The following LPP variants were observed in gnomAD, a reference collection of about 807,000 sequenced individuals.
LPP encodes LIM domain containing preferred translocation partner in lipoma, also known as lipoma-preferred partner.
LPP carries 38 observed loss-of-function variants against 60.4 expected under a neutral mutation model. That is an observed-to-expected ratio of 0.63 (90% CI 0.49 to 0.83). LPP has a LOEUF of 0.83. LPP is among the 40% of genes least tolerant of loss of function. The pLI, the probability that LPP is intolerant of heterozygous loss-of-function variation, is 0.00. For missense variants in LPP, 902 were observed against 783.6 expected (o/e 1.15, Z -1.80); for synonymous variants, 328 against 290.8 (o/e 1.13, Z -1.30).
At chr3:188,377,778 C>T (rs531841905) in intron 3 of LPP, among the ~76,000 whole-genome samples, 27 of 152,256 alleles carry the variant, frequency 1.8e-4, no homozygotes, top group South Asian at 1.2e-3. Flanking sequence ...GGAGGAGTGG[C>T]GCTCTGATTT....
intron 3 of LPP, among the ~76,000 whole-genome samples, chr3:188,374,775 G>A (rs1172566401): frequency 6.6e-6 from 1 of 152,122 alleles, no homozygotes; most frequent in Non-Finnish European, 1.5e-5. Context: ...GGGCATCCCT[G>A]TCTTGTGCCC....
chr3:188,161,971 T>C (rs1718427002), intron 1 of LPP, among the ~76,000 whole-genome samples: 1 of 152,212 alleles, frequency 6.6e-6, no homozygotes, highest in African/African-American at 2.4e-5. Flanking sequence ...TTCCTTGCTT[T>C]TGACAGCTCC....
chr3:188,592,223 C>A (rs1183623050), intron 6 of LPP, among the ~76,000 whole-genome samples: 3 of 152,032 alleles, frequency 2.0e-5, no homozygotes, highest in Non-Finnish European at 2.9e-5. Flanking sequence ...ACACTATAAA[C>A]AACATTTTTG....
intron 6 of LPP, among the ~76,000 whole-genome samples, chr3:188,546,429 A>C (rs969000610): frequency 1.3e-5 from 2 of 152,112 alleles, no homozygotes; most frequent in Non-Finnish European, 2.9e-5. Context: ...CAGGAGTATC[A>C]TTACCTTTGA....
At chr3:188,200,132 AT>A (rs796074045) in intron 1 of LPP, among the ~76,000 whole-genome samples, 6 of 150,480 alleles carry the variant, frequency 4.0e-5, no homozygotes, top group African/African-American at 7.3e-5. Context: ...TAATTTATCT[AT>A]TTTTTTTTCC....
chr3:188,659,411 T>C (rs575088709), intron 7 of LPP, among the ~76,000 whole-genome samples: 156 of 152,362 alleles, frequency 1.0e-3, no homozygotes, highest in African/African-American at 3.6e-3. Context: ...ACTGTTTTTA[T>C]GTAACCATCA....
chr3:188,512,562 A>AATAAATAAATAAATAC (rs1350777838), intron 5 of LPP, among the ~76,000 whole-genome samples: 18 of 149,176 alleles, frequency 1.2e-4, no homozygotes, highest in African/African-American at 4.4e-4. Flanking sequence ...CCGGTCTATA[A>AATAAATAAATAAATAC]ATAAATAAAT....
chr3:188,625,533 T>A (rs1846674951), intron 7 of LPP, among the ~76,000 whole-genome samples: 1 of 152,174 alleles, frequency 6.6e-6, no homozygotes, highest in Non-Finnish European at 1.5e-5. Flanking sequence ...GATGAAACAT[T>A]TCGGAGAAGG....
At chr3:188,410,045 G>T (rs1250661734) in intron 4 of LPP, among the ~76,000 whole-genome samples, 1 of 152,126 alleles carries the variant, frequency 6.6e-6, no homozygotes, top group African/African-American at 2.4e-5. Context: ...TTTTTTAATA[G>T]ATTTGCTTGT....
intron 8 of LPP, among the ~76,000 whole-genome samples, chr3:188,751,840 T>G (rs2150327477): frequency 6.6e-6 from 1 of 152,298 alleles, no homozygotes; most frequent in Admixed American, 6.5e-5. Context: ...GCTGAATAAA[T>G]ATTGACTATT....
At position 188,610,584 on chromosome 3, in the gene LPP, ACTC is replaced by A. The variant is rs1015451298; in HGVS notation, c.1113+743_1113+745del. On this transcript the variant is annotated intron_variant, in intron 7 of 11. Coordinates refer to ENST00000617246, the MANE Select transcript of LPP (RefSeq NM_001375462.1). This position sits in a 1 kb window ranked among gnomAD's most constrained non-coding sequence, Gnocchi z 4.4. ...TAGCACTATTAAGCAATGTTTAAAA[ACTC>A]CTTATGAGTGACAGTTACTTCTTAT... Among the ~76,000 whole-genome samples, 3 of 151,728 alleles carry A rather than the reference ACTC, an allele frequency of 2.0e-5. No homozygotes were observed. Among genetic ancestry groups the A allele is most frequent in the Non-Finnish European group, 2.9e-5 (2 of 67,902 alleles).
intron 9 of LPP, among the ~76,000 whole-genome samples, chr3:188,775,997 GT>G (rs1233900004): frequency 2.6e-5 from 4 of 152,228 alleles, no homozygotes; most frequent in African/African-American, 9.6e-5. Context: ...CTATTTGCCA[GT>G]TTTAAGAGAC....
intron 7 of LPP, among the ~76,000 whole-genome samples, chr3:188,658,894 G>C (rs1853950760): frequency 6.6e-6 from 1 of 152,178 alleles, no homozygotes; most frequent in Non-Finnish European, 1.5e-5. Flanking sequence ...GTTACTTGAT[G>C]ATACTCCAGA....
At chr3:188,366,726 T>A (rs1198633971) in intron 3 of LPP, among the ~76,000 whole-genome samples, 2 of 152,142 alleles carry the variant, frequency 1.3e-5, no homozygotes, top group Non-Finnish European at 2.9e-5. Flanking sequence ...ACTCATGAGA[T>A]GTGAAAGCGG....
At chr3:188,690,952 T>C (rs1349144658) in intron 7 of LPP, among the ~76,000 whole-genome samples, 1 of 152,206 alleles carries the variant, frequency 6.6e-6, no homozygotes, top group African/African-American at 2.4e-5. Context: ...GTTTTTATCT[T>C]CATCTGAGAC....
chr3:188,688,802 C>A (rs1333243027), intron 7 of LPP: 3 of 531,734 alleles, frequency 5.6e-6, no homozygotes, highest in South Asian at 4.2e-5. Flanking sequence ...TCAAGGAGCT[C>A]ACAGTCTATT....
chr3:188,583,704 C>T (rs933963515), intron 6 of LPP, among the ~76,000 whole-genome samples: 6 of 152,124 alleles, frequency 3.9e-5, no homozygotes, highest in Admixed American at 3.3e-4. Flanking sequence ...TAGCAGAGAT[C>T]GGACACTCAG....
intron 7 of LPP, among the ~76,000 whole-genome samples, chr3:188,667,824 A>T (rs1296457580): frequency 1.3e-5 from 2 of 151,356 alleles, no homozygotes; most frequent in Non-Finnish European, 2.9e-5. Flanking sequence ...AAAACATGTG[A>T]ATCTGAAAAG....
At chr3:188,535,133 G>A (rs1823221554) in intron 6 of LPP, among the ~76,000 whole-genome samples, 1 of 152,122 alleles carries the variant, frequency 6.6e-6, no homozygotes, top group Admixed American at 6.6e-5. Flanking sequence ...GCGCATTTTG[G>A]TCTCTCTGCT....
Sources: allele counts gnomAD v4.1 joint callset (sites outside exome capture counted in the v4.1 genomes callset), GRCh38; gene constraint gnomAD v4.1.1; non-coding constraint Gnocchi (gnomAD v3.1); transcripts MANE v1.5; gene names NCBI Gene and HGNC (gene_info 2026-07-23, HGNC 2026-07-21).